CEP112: variants seen among roughly 807,000 people sequenced by gnomAD.
The protein encoded by CEP112 is centrosomal protein of 112 kDa.
CEP112 carries 127 observed loss-of-function variants against 153.0 expected under a neutral mutation model. The observed-to-expected ratio is 0.83, with a 90% confidence interval of 0.72 to 0.96. CEP112 has a LOEUF of 0.96. Ranked by LOEUF, CEP112 falls within the 40% of genes least tolerant of loss-of-function variation. The pLI, the probability that CEP112 is intolerant of heterozygous loss-of-function variation, is 0.00. For synonymous variants in CEP112, 358 were observed against 374.4 expected (o/e 0.96, Z 0.51); for missense variants, 1,089 against 1,101.2 (o/e 0.99, Z 0.16).
chr17:65,728,465 A>C (rs1290876159), intron 23 of CEP112, among the ~76,000 whole-genome samples: 1 of 152,098 alleles, frequency 6.6e-6, no homozygotes, highest in East Asian at 1.9e-4. Context: ...TTGTCTAGAG[A>C]CCACACTCTG....
At chr17:65,963,634 T>C (rs1295213713) in intron 17 of CEP112, among the ~76,000 whole-genome samples, 1 of 151,748 alleles carries the variant, frequency 6.6e-6, no homozygotes, top group Non-Finnish European at 1.5e-5. Context: ...ATCAACAATA[T>C]AGATATATAG....
chr17:65,727,099 T>G (rs2050224289), intron 23 of CEP112, among the ~76,000 whole-genome samples: 1 of 152,208 alleles, frequency 6.6e-6, no homozygotes, highest in African/African-American at 2.4e-5. Context: ...TGGTTTATAC[T>G]CCCAGAAATG....
At chr17:66,164,813 C>T (rs890247686) in intron 4 of CEP112, among the ~76,000 whole-genome samples, 6 of 151,458 alleles carry the variant, frequency 4.0e-5, no homozygotes, top group African/African-American at 1.5e-4. Flanking sequence ...CGAGATCGTG[C>T]CATTGCACTC....
rs11399557 is a variant in CEP112 at position 65,999,563 on chromosome 17, AT to A, written c.1736+6126del. 4.7e-3 allele frequency among the ~76,000 whole-genome samples: 695 copies of A among 147,516 alleles called. 5 individuals carry two copies. The highest frequency in any genetic ancestry group is 0.034 in the East Asian group (171 of 4,988). On this transcript the variant is annotated intron_variant, in intron 17 of 26. Transcript: ENST00000535342. ...ATTTGAGTGATATAATCCTGAAAGCATTTTTTTTTTTTACTTAACTTTTAAG... is the reference window on the plus strand; with the variant it reads ...ATTTGAGTGATATAATCCTGAAAGCATTTTTTTTTTTACTTAACTTTTAAG...
intron 17 of CEP112, among the ~76,000 whole-genome samples, chr17:65,996,817 A>G (rs2063808847): frequency 6.6e-6 from 1 of 152,258 alleles, no homozygotes; most frequent in South Asian, 2.1e-4. Flanking sequence ...AGTAAGATTG[A>G]TAAATTAAAA....
intron 21 of CEP112, among the ~76,000 whole-genome samples, chr17:65,772,643 A>T (rs1350673977): frequency 6.6e-6 from 1 of 151,478 alleles, no homozygotes; most frequent in Non-Finnish European, 1.5e-5. Context: ...AAACCCTGAT[A>T]TACCCCTCTG....
intron 2 of CEP112, among the ~76,000 whole-genome samples, chr17:66,178,490 A>T (rs188664714): frequency 6.6e-6 from 1 of 152,180 alleles, no homozygotes; most frequent in Admixed American, 6.5e-5. Flanking sequence ...GTTTGAAAAG[A>T]TTTTCTCTCA....
chr17:65,657,914 T>C (rs1355824052), intron 24 of CEP112, among the ~76,000 whole-genome samples: 2 of 152,190 alleles, frequency 1.3e-5, no homozygotes, highest in African/African-American at 4.8e-5. Context: ...AAAGTTGTTG[T>C]TGAATAGGTA....
chr17:65,866,579 T>C (rs1598824098), intron 20 of CEP112, among the ~76,000 whole-genome samples: 1 of 152,170 alleles, frequency 6.6e-6, no homozygotes, highest in East Asian at 1.9e-4. Context: ...CGGCCTGCCA[T>C]AGCCATCCAT....
intron 12 of CEP112, among the ~76,000 whole-genome samples, chr17:66,040,485 CCTTT>C (rs1328295257): frequency 9.1e-6 from 1 of 109,536 alleles, no homozygotes; most frequent in East Asian, 2.8e-4. Context: ...TTGCCTTTTC[CCTTT>C]TTTTCTTTTT....
chr17:65,682,328 C>T (rs2047573883), intron 24 of CEP112, among the ~76,000 whole-genome samples: 1 of 152,122 alleles, frequency 6.6e-6, no homozygotes, highest in Non-Finnish European at 1.5e-5. Flanking sequence ...CACATTTACC[C>T]TCTTCTTTCT....
At chr17:66,065,923 C>A (rs753894663) in intron 10 of CEP112, among the ~76,000 whole-genome samples, 2 of 152,174 alleles carry the variant, frequency 1.3e-5, no homozygotes, top group Non-Finnish European at 2.9e-5. Flanking sequence ...GCCACCGCGC[C>A]CGGCCTAAAA....
chr17:66,180,885 C>T (rs2072691301), intron 2 of CEP112, among the ~76,000 whole-genome samples: 1 of 152,148 alleles, frequency 6.6e-6, no homozygotes, highest in East Asian at 1.9e-4. Flanking sequence ...TACTATGGTG[C>T]AAACATCATT....
At chr17:65,645,640 TGA>T (rs2045389667) in intron 24 of CEP112, among the ~76,000 whole-genome samples, 1 of 152,208 alleles carries the variant, frequency 6.6e-6, no homozygotes, top group Non-Finnish European at 1.5e-5. Context: ...ATTTTCCTTG[TGA>T]GAGAGATGTT....
chr17:66,095,319 A>G (rs2065081239), intron 8 of CEP112, among the ~76,000 whole-genome samples: 1 of 151,912 alleles, frequency 6.6e-6, no homozygotes, highest in Non-Finnish European at 1.5e-5. Context: ...CACACACACA[A>G]TGAAATGTTA....
At chr17:65,695,802 C>A (rs1178624755) in intron 23 of CEP112, among the ~76,000 whole-genome samples, 1 of 152,208 alleles carries the variant, frequency 6.6e-6, no homozygotes, top group East Asian at 1.9e-4. Context: ...CTTTGGCCCA[C>A]TTCTTAGCCA....
At chr17:66,140,960 T>G (rs77317019) in intron 4 of CEP112, among the ~76,000 whole-genome samples, 1 of 152,200 alleles carries the variant, frequency 6.6e-6, no homozygotes, top group African/African-American at 2.4e-5. Context: ...AGTTCATTCT[T>G]TCAGGCTCTT....
At position 65,774,480 on chromosome 17, in the gene CEP112, T is replaced by C. The variant is rs183598768; in HGVS notation, c.2395-23756A>G. On this transcript the variant is annotated intron_variant, in intron 21 of 26. Coordinates refer to ENST00000535342, the MANE Select transcript of CEP112 (RefSeq NM_001199165.4). Reference sequence around the variant, plus strand: ...TGAGCTTGGCAGCGTGTGTTCAAGCTGGCCAACAAGACTGCAGGACCCGTT... The same window carrying C: ...TGAGCTTGGCAGCGTGTGTTCAAGCCGGCCAACAAGACTGCAGGACCCGTT... Among the ~76,000 whole-genome samples, 383 of 152,276 alleles carry C rather than the reference T, an allele frequency of 2.5e-3. 1 individual carries two copies. The highest frequency in any genetic ancestry group is 3.0e-3 in the Non-Finnish European group (206 of 68,014).
At chr17:65,674,246 T>C (rs1244341043) in intron 24 of CEP112, among the ~76,000 whole-genome samples, 3 of 152,166 alleles carry the variant, frequency 2.0e-5, no homozygotes, top group Non-Finnish European at 2.9e-5. Context: ...GATCAAGCAA[T>C]TCATGGAAAT....
Sources: gnomAD v4.1 joint callset for allele counts (sites outside exome capture counted in the v4.1 genomes callset) on GRCh38, gnomAD v4.1.1 for gene constraint, MANE v1.5 for transcripts, NCBI Gene and HGNC (gene_info 2026-07-23, HGNC 2026-07-21) for gene names.